ADGRL2: variants seen among roughly 807,000 people sequenced by gnomAD.
ADGRL2 encodes calcium-independent alpha-latrotoxin receptor 2.
Under a neutral mutation model 157.4 loss-of-function variants are expected in ADGRL2, and 44 were observed. That is an observed-to-expected ratio of 0.28 (90% CI 0.22 to 0.36). The LOEUF (loss-of-function observed/expected upper bound fraction) is 0.36. ADGRL2 is among the 10% of genes least tolerant of loss of function. ADGRL2 has a pLI of 1.00. For missense variants in ADGRL2, 1,510 were observed against 1,768.9 expected, an observed-to-expected ratio of 0.85 and a Z score of 2.63; for synonymous variants, 585 against 624.7, an observed-to-expected ratio of 0.94 and a Z score of 0.95.
At chr1:81,863,812 A>T (rs953428687) in intron 2 of ADGRL2, among the ~76,000 whole-genome samples, 1 of 152,178 alleles carries the variant, frequency 6.6e-6, no homozygotes, top group African/African-American at 2.4e-5. Context: ...AATACATCTG[A>T]CCCAAACTTA....
intron 3 of ADGRL2, among the ~76,000 whole-genome samples, chr1:81,593,336 C>T (rs1468568191): frequency 2.0e-5 from 3 of 152,212 alleles, no homozygotes; most frequent in Admixed American, 2.0e-4. Flanking sequence ...CTATCCCATG[C>T]TCTCCCTTAC....
intron 3 of ADGRL2, among the ~76,000 whole-genome samples, chr1:81,639,107 T>C (rs894913735): frequency 1.3e-5 from 2 of 152,218 alleles, no homozygotes; most frequent in Admixed American, 1.3e-4. Flanking sequence ...TCTCACTGTA[T>C]TGCCCAGGCT....
At chr1:81,914,333 C>T (rs558242999) in intron 3 of ADGRL2, among the ~76,000 whole-genome samples, 1 of 152,054 alleles carries the variant, frequency 6.6e-6, no homozygotes, top group South Asian at 2.1e-4. Context: ...ATATTTCTTC[C>T]TCATTAATGG....
chr1:81,536,668 T>C (rs2079745594), intron 2 of ADGRL2, among the ~76,000 whole-genome samples: 2 of 152,222 alleles, frequency 1.3e-5, no homozygotes, highest in Admixed American at 6.5e-5. Flanking sequence ...GGTGGTTATT[T>C]TGTTTTGTTT....
At chr1:81,515,324 A>G (rs2079154153) in intron 2 of ADGRL2, 1 of 152,032 alleles carries the variant, frequency 6.6e-6, no homozygotes. Context: ...TAAAATGATT[A>G]TGTCCCTTTG....
At chr1:81,494,269 A>T (rs1211787707) in intron 2 of ADGRL2, among the ~76,000 whole-genome samples, 2 of 152,158 alleles carry the variant, frequency 1.3e-5, no homozygotes, top group Middle Eastern at 3.2e-3. Context: ...ATTCCATGTA[A>T]ACTGAAACAA....
upstream of ADGRL2, among the ~76,000 whole-genome samples, chr1:81,697,755 G>A (rs772195262): frequency 6.6e-6 from 1 of 152,088 alleles, no homozygotes; most frequent in African/African-American, 2.4e-5. Context: ...AACAGAATTT[G>A]GTATGAAAAA....
At chr1:81,663,752 G>A (rs374001640) in intron 3 of ADGRL2, among the ~76,000 whole-genome samples, 13 of 152,274 alleles carry the variant, frequency 8.5e-5, no homozygotes, top group African/African-American at 3.1e-4. Context: ...CAGGGTCCAG[G>A]CATTTGCTGG....
intron 1 of ADGRL2, among the ~76,000 whole-genome samples, chr1:81,335,821 G>A (rs1370239169): frequency 6.7e-6 from 1 of 148,574 alleles, no homozygotes; most frequent in Non-Finnish European, 1.5e-5. Flanking sequence ...ACGCAGTAGG[G>A]CTATATAGTG....
At chr1:81,345,829 T>G (rs1465127664) in intron 1 of ADGRL2, among the ~76,000 whole-genome samples, 2 of 152,216 alleles carry the variant, frequency 1.3e-5, no homozygotes. Context: ...AGTAACAATA[T>G]AGATATTCAA....
In ADGRL2 at chr1:81,661,322, G is replaced by A. The variant is rs796849330; in HGVS notation, c.-143+80342G>A. ...ACATTACAGCCAAAGCAATATTCCA[G>A]ATTCCTTGATTCAAACCTTAAGCAT... On this transcript the variant is annotated intron_variant, in intron 3 of 24. Coordinates refer to the ADGRL2 transcript ENST00000370721. 2.6e-5 allele frequency among the ~76,000 whole-genome samples: 4 copies of A among 152,214 alleles called. 1 individual carries two copies. Among genetic ancestry groups the A allele is most frequent in the African/African-American group, 9.6e-5 (4 of 41,560 alleles).
upstream of ADGRL2, among the ~76,000 whole-genome samples, chr1:81,696,435 T>C (rs1399974021): frequency 6.6e-6 from 1 of 152,074 alleles, no homozygotes; most frequent in Non-Finnish European, 1.5e-5. Context: ...TGAGATATCA[T>C]GGAGAATGGG....
chr1:81,498,023 G>A (rs1394181495), intron 2 of ADGRL2, among the ~76,000 whole-genome samples: 2 of 152,052 alleles, frequency 1.3e-5, no homozygotes, highest in Non-Finnish European at 2.9e-5. Flanking sequence ...TGGCTAACAT[G>A]GTGAAACCTC....
intron 3 of ADGRL2, among the ~76,000 whole-genome samples, chr1:81,935,486 A>G (rs1273784785): frequency 6.6e-6 from 1 of 151,932 alleles, no homozygotes; most frequent in Non-Finnish European, 1.5e-5. Flanking sequence ...TTGAAATGGC[A>G]CCAAAGTATA....
At chr1:81,579,467 A>G (rs889228019) in intron 2 of ADGRL2, 8 of 152,318 alleles carry the variant, frequency 5.3e-5, no homozygotes, top group African/African-American at 1.9e-4. Flanking sequence ...TCCATGCCCA[A>G]TAATAATGAA....
intron 3 of ADGRL2, among the ~76,000 whole-genome samples, chr1:81,673,750 C>T (rs2082925393): frequency 6.6e-6 from 1 of 152,110 alleles, no homozygotes; most frequent in Non-Finnish European, 1.5e-5. Context: ...ATCTCCTGAC[C>T]TCGTGATCTG....
chr1:81,937,584 A>G (rs1027312567), intron 4 of ADGRL2, among the ~76,000 whole-genome samples: 1 of 151,852 alleles, frequency 6.6e-6, no homozygotes, highest in Non-Finnish European at 1.5e-5. Context: ...ACAACTTAAA[A>G]GTTTGAATAT....
chr1:81,609,539 TTTATTAA>T (rs1174191274), intron 3 of ADGRL2, among the ~76,000 whole-genome samples: 1 of 152,162 alleles, frequency 6.6e-6, no homozygotes, highest in Non-Finnish European at 1.5e-5. Flanking sequence ...ACATAAGAAC[TTTATTAA>T]ATAAAACATA....
At chr1:81,541,556 CT>C (rs2079883844) in intron 2 of ADGRL2, among the ~76,000 whole-genome samples, 1 of 152,018 alleles carries the variant, frequency 6.6e-6, no homozygotes, top group South Asian at 2.1e-4. Context: ...AGGGTGTTTG[CT>C]TTCTAGAAAT....
Sources: gnomAD v4.1 joint callset for allele counts (sites outside exome capture counted in the v4.1 genomes callset) on GRCh38, gnomAD v4.1.1 for gene constraint, MANE v1.5 for transcripts, NCBI Gene and HGNC (gene_info 2026-07-23, HGNC 2026-07-21) for gene names.